TOP1: variants seen among roughly 807,000 people sequenced by gnomAD.
TOP1 encodes DNA topoisomerase I.
TOP1 carries 10 observed loss-of-function variants against 111.1 expected under a neutral mutation model. That is an observed-to-expected ratio of 0.09 (90% confidence interval 0.06 to 0.15). The LOEUF is 0.15. TOP1 is among the 10% of genes least tolerant of loss of function. The pLI, the probability that TOP1 is intolerant of heterozygous loss-of-function variation, is 1.00. For missense variants in TOP1, 474 were observed against 926.7 expected (o/e 0.51, Z 6.34); for synonymous variants, 271 against 302.9 (o/e 0.89, Z 1.10).
chr20:41,124,033 C>T lies in TOP1; in HGVS notation c.*736C>T, dbSNP rs1490390426. ...ATTGGGGTTGGGGAGGGATGAAGGG[C>T]GAGTGAATCTAAGGATAATGAAATA... On this transcript the variant is annotated 3_prime_UTR_variant, in exon 21 of 21. Coordinates refer to ENST00000361337, the MANE Select transcript of TOP1 (RefSeq NM_003286.4). This position sits in a 1 kb window ranked among gnomAD's most constrained non-coding sequence, Gnocchi z 5.4. 5.4e-5 allele frequency: 12 copies of T among 223,566 alleles called. No homozygotes were observed. Among genetic ancestry groups the T allele is most frequent in the African/African-American group, 9.5e-5 (4 of 42,252 alleles). The allele number at this position is 223,566 out of a possible 1,614,324, so 13.8% of individuals were successfully genotyped here.
chr20:41,115,019 T>C lies in TOP1; in HGVS notation c.1639-352T>C, dbSNP rs921171475. Among the ~76,000 whole-genome samples the C allele has an allele frequency of 2.0e-5, 3 of 152,186 alleles. No homozygotes were observed. The highest frequency in any genetic ancestry group is 2.9e-5 in the Non-Finnish European group (2 of 68,026). On this transcript the variant is annotated intron_variant, in intron 15 of 20. Transcript: ENST00000361337. This position sits in a 1 kb window ranked among gnomAD's most constrained non-coding sequence, Gnocchi z 6.3. Reference sequence around the variant, plus strand: ...ATATCTATTTTTAGAACATACACACTGAAATGTTTAGGACCATATTATAAG... The same window carrying C: ...ATATCTATTTTTAGAACATACACACCGAAATGTTTAGGACCATATTATAAG...
At chr20:41,038,387 G>C (rs545092909) in intron 2 of TOP1, among the ~76,000 whole-genome samples, 1 of 152,138 alleles carries the variant, frequency 6.6e-6, no homozygotes, top group South Asian at 2.1e-4. Context: ...AGAATTTTTA[G>C]TTCCTTGCCA....
chr20:41,100,220 G>C lies in TOP1; in HGVS notation c.1140G>C (p.Glu380Asp), dbSNP rs2034040321. 1 of 1,613,510 alleles carries C rather than the reference G, an allele frequency of 6.2e-7. No individual in the cohort carries two copies. Among genetic ancestry groups the C allele is most frequent in the Admixed American group, 1.7e-5 (1 of 59,886 alleles). Residue 380 changes from glutamate to aspartate, a missense_variant, in exon 12 of 21, where the codon GAG becomes GAC. Coordinates refer to ENST00000361337, the MANE Select transcript of TOP1 (RefSeq NM_003286.4). The surrounding 1 kb of genome is among the most constrained non-coding windows in gnomAD (Gnocchi z 4.4). ...MGMLKRRIMP[E>D]DIIINCSKDA... The stretch of plus-strand genomic sequence containing the variant: ...TGCTGAAGAGACGAATCATGCCCGA[G>C]GATATAATCATCAACTGTAGCAAGT...
At position 41,115,416 on chromosome 20, in the gene TOP1, G is replaced by T; in HGVS notation, c.1684G>T (p.Asp562Tyr). The change falls in exon 16 of 21, where the codon GAT becomes TAT. Residue 562 changes from aspartate (D) to tyrosine (Y), a missense_variant. Physicochemically the swap from Asp to Tyr is radical, Grantham distance 160. Transcript: ENST00000361337. The surrounding 1 kb of genome is among the most constrained non-coding windows in gnomAD (Gnocchi z 6.3). The part of the protein sequence containing the change: ...QLFMENKQPE[D>Y]DLFDRLNTGI... ...ATTTATGGAGAACAAGCAGCCCGAG[G>T]ATGATCTTTTTGATAGACTCAATGT... 1 of 1,613,428 alleles carries T rather than the reference G, an allele frequency of 6.2e-7. No individual in the cohort carries two copies. The highest frequency in any genetic ancestry group is 8.5e-7 in the Non-Finnish European group (1 of 1,179,534).
intron 2 of TOP1, among the ~76,000 whole-genome samples, chr20:41,038,012 G>A (rs1002240265): frequency 6.6e-6 from 1 of 152,126 alleles, no homozygotes; most frequent in African/African-American, 2.4e-5. Context: ...AAAAAATCTG[G>A]GAAGATGAGT....
In TOP1 at chr20:41,048,294, T is replaced by C. The variant is rs189643831; in HGVS notation, c.59-13100T>C. On this transcript the variant is annotated intron_variant, in intron 2 of 20. Transcript: ENST00000361337. ...AATGCAGGGTTTCTTCAAAATATGGTTCTGGACAGTGGATTATAGTTACCT... is the reference window on the plus strand; with the variant it reads ...AATGCAGGGTTTCTTCAAAATATGGCTCTGGACAGTGGATTATAGTTACCT... Among the ~76,000 whole-genome samples, 3 of 152,342 alleles carry C rather than the reference T, an allele frequency of 2.0e-5. No individual in the cohort carries two copies. In the East Asian group the frequency reaches 5.8e-4, roughly 29 times the overall value.
chr20:41,093,569 C>T (rs2033945934), intron 9 of TOP1, among the ~76,000 whole-genome samples: 1 of 152,160 alleles, frequency 6.6e-6, no homozygotes, highest in Non-Finnish European at 1.5e-5. Flanking sequence ...CCCCATTTCT[C>T]CACCATTTTT....
At position 41,058,734 on chromosome 20, in the gene TOP1, CGGA is replaced by C. The variant is rs2033505411; in HGVS notation, c.59-2658_59-2656del. Among the ~76,000 whole-genome samples the C allele has an allele frequency of 6.6e-6, 1 of 152,014 alleles. No individual in the cohort carries two copies. The highest frequency in any genetic ancestry group is 1.9e-4 in the East Asian group (1 of 5,196). On this transcript the variant is annotated intron_variant, in intron 2 of 20. Transcript: ENST00000361337. This position sits in a 1 kb window ranked among gnomAD's most constrained non-coding sequence, Gnocchi z 4.2. ...GAATTAGGCTATACCTCTTGAAAAG[CGGA>C]GTAACAAACAATCTTATAGTCAAGA... is the stretch of plus-strand genomic sequence containing the variant.
intron 2 of TOP1, among the ~76,000 whole-genome samples, chr20:41,038,406 AAAC>A (rs931395802): frequency 1.2e-3 from 176 of 152,298 alleles, no homozygotes; most frequent in Admixed American, 2.2e-3. Flanking sequence ...CAATGCTAAA[AAAC>A]AACAACAACA....
At chr20:41,044,006 G>A (rs1283795332) in intron 2 of TOP1, among the ~76,000 whole-genome samples, 1 of 152,234 alleles carries the variant, frequency 6.6e-6, no homozygotes, top group South Asian at 2.1e-4. Flanking sequence ...GCCGGGCGTG[G>A]TGGCTCACGC....
In TOP1 at chr20:41,115,489, A is replaced by C; in HGVS notation, c.1707+50A>C. 1,007 of 1,407,852 alleles carry C rather than the reference A, an allele frequency of 7.2e-4. No homozygotes were observed. Among genetic ancestry groups the C allele is most frequent in the Non-Finnish European group, 9.3e-4 (920 of 993,038 alleles). The allele number at this position is 1,407,852 out of a possible 1,614,324, so 87.2% of individuals were successfully genotyped here. On this transcript the variant is annotated intron_variant, in intron 16 of 20. Coordinates refer to ENST00000361337, the MANE Select transcript of TOP1 (RefSeq NM_003286.4). The surrounding 1 kb of genome is among the most constrained non-coding windows in gnomAD (Gnocchi z 6.3). ...TGAAGGGAGTCCCAGCCAGAGCCTCACAGTACCTAAAGGGGAGGGTTGCTG... is the reference window on the plus strand; with the variant it reads ...TGAAGGGAGTCCCAGCCAGAGCCTCCCAGTACCTAAAGGGGAGGGTTGCTG...
intron 11 of TOP1, among the ~76,000 whole-genome samples, chr20:41,099,722 C>T (rs1029558715): frequency 2.0e-5 from 3 of 152,140 alleles, no homozygotes; most frequent in African/African-American, 7.2e-5. Flanking sequence ...AGACTCTTCT[C>T]CATTTCCTGT....
intron 2 of TOP1, among the ~76,000 whole-genome samples, chr20:41,045,051 G>T (rs534976504): frequency 3.5e-4 from 54 of 152,324 alleles, no homozygotes; most frequent in African/African-American, 1.3e-3. Context: ...GCCTCCCAAA[G>T]TGCTGGGATT....
chr20:41,050,831 T>G (rs1351551961), intron 2 of TOP1, among the ~76,000 whole-genome samples: 2 of 152,194 alleles, frequency 1.3e-5, no homozygotes, highest in African/African-American at 4.8e-5. Flanking sequence ...TTATCTGTCC[T>G]AGACAGAAGC....
chr20:41,108,700 C>T (rs1212273617), intron 13 of TOP1, among the ~76,000 whole-genome samples: 1 of 152,188 alleles, frequency 6.6e-6, no homozygotes, highest in Non-Finnish European at 1.5e-5. Context: ...GTGCCTGGTG[C>T]CCGTAGGATC....
At position 41,115,468 on chromosome 20, in the gene TOP1, G is replaced by C; in HGVS notation, c.1707+29G>C. The C allele has an allele frequency of 6.4e-7, 1 of 1,566,196 alleles. No individual in the cohort carries two copies. Among genetic ancestry groups the C allele is most frequent in the Non-Finnish European group, 8.8e-7 (1 of 1,136,762 alleles). On this transcript the variant is annotated intron_variant, in intron 16 of 20. Coordinates refer to ENST00000361337, the MANE Select transcript of TOP1 (RefSeq NM_003286.4). The surrounding 1 kb of genome is among the most constrained non-coding windows in gnomAD (Gnocchi z 6.3). ...AGTAGATGAAGCACACAATGTTGAA[G>C]GGAGTCCCAGCCAGAGCCTCACAGT...
intron 3 of TOP1, among the ~76,000 whole-genome samples, chr20:41,075,370 A>G (rs1198959338): frequency 6.6e-6 from 1 of 152,118 alleles, no homozygotes; most frequent in Admixed American, 6.5e-5. Flanking sequence ...ACGGGGTTTC[A>G]CTGTGTTAGC....
At position 41,069,980 on chromosome 20, in the gene TOP1, T is replaced by C. The variant is rs377366939; in HGVS notation, c.156-6191T>C. Among the ~76,000 whole-genome samples, 63 of 152,228 alleles carry C rather than the reference T, an allele frequency of 4.1e-4. No homozygotes were observed. Among genetic ancestry groups the C allele is most frequent in the African/African-American group, 1.4e-3 (59 of 41,532 alleles). On this transcript the variant is annotated intron_variant, in intron 3 of 20. Transcript: ENST00000361337. This position sits in a 1 kb window ranked among gnomAD's most constrained non-coding sequence, Gnocchi z 4.1. ...GTTAGGTGGGTTACACAGGGTGGAA[T>C]AGTAGAAAATGAGACCCAAAAAAGT...
In TOP1 at chr20:41,083,197, A is replaced by T. The variant is rs1224132100; in HGVS notation, c.508-1265A>T. On this transcript the variant is annotated intron_variant, in intron 7 of 20. Coordinates refer to ENST00000361337, the MANE Select transcript of TOP1 (RefSeq NM_003286.4). The surrounding 1 kb of genome is among the most constrained non-coding windows in gnomAD (Gnocchi z 7.2). Reference sequence around the variant, plus strand: ...GATGGGACCAGCTGGATGCCTGCTCAGAAGCTGTTTAGAGTATCTTCACTG... The same window carrying T: ...GATGGGACCAGCTGGATGCCTGCTCTGAAGCTGTTTAGAGTATCTTCACTG... Among the ~76,000 whole-genome samples the T allele has an allele frequency of 2.0e-5, 3 of 152,226 alleles. No homozygotes were observed. The East Asian group carries it at 5.8e-4, about 29-fold the overall frequency.
Sources: allele counts gnomAD v4.1 joint callset (sites outside exome capture counted in the v4.1 genomes callset), GRCh38; gene constraint gnomAD v4.1.1; non-coding constraint Gnocchi (gnomAD v3.1); transcripts MANE v1.5; gene names NCBI Gene and HGNC (gene_info 2026-07-23, HGNC 2026-07-21).